The following SGCZ variants were observed in gnomAD, a reference collection of about 807,000 sequenced individuals.
SGCZ encodes the protein sarcoglycan zeta, also known as zeta-sarcoglycan.
A neutral mutation model predicts 41.3 loss-of-function variants in SGCZ; 40 were observed. The ratio of observed to expected loss-of-function variants is 0.97; its 90% CI spans 0.75 to 1.26. SGCZ has a LOEUF of 1.26. SGCZ is among the 50% of genes most tolerant of loss of function. SGCZ has a pLI of 0.00. For synonymous variants in SGCZ, 206 were observed against 137.5 expected (o/e 1.50, Z -3.49); for missense variants, 552 against 369.8 (o/e 1.49, Z -4.04).
chr8:14,709,667 C>T lies in SGCZ; in HGVS notation c.40-154741G>A, dbSNP rs181671507. Among the ~76,000 whole-genome samples the T allele has an allele frequency of 2.0e-5, 3 of 151,698 alleles. No individual in the cohort carries two copies. In the East Asian group the frequency reaches 5.8e-4, roughly 29 times the overall value. On this transcript the variant is annotated intron_variant, in intron 1 of 7. Coordinates refer to ENST00000382080, the MANE Select transcript of SGCZ (RefSeq NM_139167.4). ...CAGCAAATAATTTCATTAATCGAGG[C>T]CCAAATTTGCAAAATGAAAAAAAAA...
intron 1 of SGCZ, among the ~76,000 whole-genome samples, chr8:14,935,417 G>C (rs201508286): frequency 1.3e-5 from 2 of 150,328 alleles, no homozygotes; most frequent in East Asian, 3.9e-4. Context: ...GGACATCTGG[G>C]TCACTCTGTT....
At chr8:14,722,147 T>C (rs1809907093) in intron 1 of SGCZ, among the ~76,000 whole-genome samples, 1 of 152,176 alleles carries the variant, frequency 6.6e-6, no homozygotes, top group African/African-American at 2.4e-5. Flanking sequence ...GAACTAGTAG[T>C]ATAAAATGCA....
At chr8:14,347,206 C>G (rs979398522) in intron 2 of SGCZ, among the ~76,000 whole-genome samples, 1 of 151,976 alleles carries the variant, frequency 6.6e-6, no homozygotes, top group African/African-American at 2.4e-5. Context: ...TTTGATAGAG[C>G]CTGGCATCAG....
chr8:14,989,364 T>C (rs1378868999), intron 1 of SGCZ, among the ~76,000 whole-genome samples: 1 of 152,084 alleles, frequency 6.6e-6, no homozygotes, highest in Non-Finnish European at 1.5e-5. Context: ...TGTATGCCTA[T>C]AGTCTTAGCT....
At chr8:15,232,813 A>G (rs1378337875) in intron 1 of SGCZ, among the ~76,000 whole-genome samples, 1 of 148,372 alleles carries the variant, frequency 6.7e-6, no homozygotes, top group East Asian at 2.0e-4. Context: ...ACACACATAT[A>G]TATATTTCAA....
At chr8:14,734,030 A>C (rs1362688231) in intron 1 of SGCZ, among the ~76,000 whole-genome samples, 2 of 152,204 alleles carry the variant, frequency 1.3e-5, no homozygotes, top group African/African-American at 4.8e-5. Flanking sequence ...TTTCTAAACC[A>C]TTGTGTTTAG....
rs1158950200 is a variant in SGCZ at position 14,357,105 on chromosome 8, T to C, written c.235-32901A>G. ...ATTGTAAAAAAAAGTAAGTTTCAAA[T>C]GAATAAAATACTAAGGACCTACACA... On this transcript the variant is annotated intron_variant, in intron 2 of 7. Transcript: ENST00000382080. 2.6e-5 allele frequency among the ~76,000 whole-genome samples: 4 copies of C among 152,032 alleles called. No homozygotes were observed. The East Asian group carries it at 7.7e-4, about 29-fold the overall frequency.
At chr8:14,436,811 G>C (rs757322191) in intron 2 of SGCZ, among the ~76,000 whole-genome samples, 18 of 152,200 alleles carry the variant, frequency 1.2e-4, no homozygotes, top group Non-Finnish European at 2.4e-4. Flanking sequence ...AAAAGCACTT[G>C]TGTGATTTAG....
At position 14,731,971 on chromosome 8, in the gene SGCZ, A is replaced by G. The variant is rs374420445; in HGVS notation, c.40-177045T>C. On this transcript the variant is annotated intron_variant, in intron 1 of 7. Coordinates refer to ENST00000382080, the MANE Select transcript of SGCZ (RefSeq NM_139167.4). ...CCAGTCGATACCATTAATGTGAAAT[A>G]TGACACTAATGGAGTATTAAAGGAA... Among the ~76,000 whole-genome samples, 10 of 152,310 alleles carry G rather than the reference A, an allele frequency of 6.6e-5. No individual in the cohort carries two copies. In the East Asian group the frequency reaches 1.4e-3, roughly 21 times the overall value.
chr8:15,056,680 C>T (rs1000341358), intron 1 of SGCZ, among the ~76,000 whole-genome samples: 15 of 152,062 alleles, frequency 9.9e-5, no homozygotes, highest in African/African-American at 2.9e-4. Context: ...TCGCAGCTGG[C>T]TAAAGGAGAT....
At chr8:15,225,480 G>A (rs953982459) in intron 1 of SGCZ, among the ~76,000 whole-genome samples, 2 of 152,128 alleles carry the variant, frequency 1.3e-5, no homozygotes, top group Admixed American at 6.6e-5. Flanking sequence ...TTATGGTACC[G>A]TGTTTGAGTG....
At chr8:14,867,161 G>A (rs1230149427) in intron 1 of SGCZ, among the ~76,000 whole-genome samples, 1 of 151,816 alleles carries the variant, frequency 6.6e-6, no homozygotes, top group Non-Finnish European at 1.5e-5. Flanking sequence ...TTCTTTCTTG[G>A]AAAAACAAGA....
chr8:15,135,598 G>C (rs1808071038), intron 1 of SGCZ, among the ~76,000 whole-genome samples: 1 of 152,230 alleles, frequency 6.6e-6, no homozygotes, highest in Non-Finnish European at 1.5e-5. Context: ...AGAGTAAGCA[G>C]TGGACTTCTA....
intron 1 of SGCZ, among the ~76,000 whole-genome samples, chr8:14,633,650 C>T (rs1020426837): frequency 6.6e-6 from 1 of 151,820 alleles, no homozygotes; most frequent in African/African-American, 2.4e-5. Flanking sequence ...GAAGTCATAA[C>T]AGATCTTCTT....
In SGCZ at chr8:14,316,407, A is replaced by G. The variant is rs937924214; in HGVS notation, c.336+7696T>C. 4.6e-5 allele frequency among the ~76,000 whole-genome samples: 7 copies of G among 152,148 alleles called. No individual in the cohort carries two copies. The South Asian group carries it at 1.5e-3, about 32-fold the overall frequency. On this transcript the variant is annotated intron_variant, in intron 3 of 7. Coordinates refer to ENST00000382080, the MANE Select transcript of SGCZ (RefSeq NM_139167.4). ...TTTCAGGTCATTTACTCAATATATT[A>G]AATAAGAAAAATGATAAAATCATCT...
intron 1 of SGCZ, among the ~76,000 whole-genome samples, chr8:14,926,572 G>A (rs1003277286): frequency 6.6e-6 from 1 of 151,776 alleles, no homozygotes; most frequent in Non-Finnish European, 1.5e-5. Flanking sequence ...TATATTTCTT[G>A]GGGAAATATA....
chr8:15,153,868 C>G (rs944378871), intron 1 of SGCZ, among the ~76,000 whole-genome samples: 1 of 152,050 alleles, frequency 6.6e-6, no homozygotes, highest in Non-Finnish European at 1.5e-5. Context: ...CAATTTCCAA[C>G]CTTTTTGGCA....
At chr8:14,408,952 A>T (rs2021485) in intron 2 of SGCZ, among the ~76,000 whole-genome samples, 66,913 of 149,304 alleles carry the variant, frequency 0.45, 16,161 homozygotes, top group African/African-American at 0.65. Flanking sequence ...AAATTAAGAG[A>T]GTGTGTGTGT....
At chr8:15,038,860 G>A (rs988256264) in intron 1 of SGCZ, among the ~76,000 whole-genome samples, 1 of 146,766 alleles carries the variant, frequency 6.8e-6, no homozygotes, top group African/African-American at 2.5e-5. Context: ...AAGAAAACAG[G>A]CCAAAAGATA....
Sources: allele counts gnomAD v4.1 joint callset (sites outside exome capture counted in the v4.1 genomes callset), GRCh38; gene constraint gnomAD v4.1.1; transcripts MANE v1.5; gene names NCBI Gene and HGNC (gene_info 2026-07-23, HGNC 2026-07-21).